The following NRXN3 variants were observed in gnomAD, a reference collection of about 807,000 sequenced individuals.
The protein encoded by NRXN3 is neurexin 3, also known as neurexin III.
In NRXN3, 32 loss-of-function variants were observed where a neutral mutation model predicts 137.6. The observed-to-expected ratio is 0.23, with a 90% CI of 0.18 to 0.31. NRXN3 has a LOEUF of 0.31. Ranked by LOEUF, NRXN3 falls within the 10% of genes least tolerant of loss-of-function variation. NRXN3 has a pLI of 1.00. For missense variants in NRXN3, 1,574 were observed against 2,062.5 expected, an observed-to-expected ratio of 0.76 and a Z score of 4.59; for synonymous variants, 798 against 784.5, an observed-to-expected ratio of 1.02 and a Z score of -0.29.
chr14:79,041,358 T>G (rs1371239840), intron 15 of NRXN3, among the ~76,000 whole-genome samples: 3 of 152,152 alleles, frequency 2.0e-5, no homozygotes, highest in Non-Finnish European at 4.4e-5. Flanking sequence ...CCGTTAAATT[T>G]GGGAAAGGAT....
intron 17 of NRXN3, among the ~76,000 whole-genome samples, chr14:79,670,488 A>G (rs934285443): frequency 6.6e-6 from 1 of 152,088 alleles, no homozygotes; most frequent in East Asian, 1.9e-4. Flanking sequence ...ATGATCATAT[A>G]TATGCATTTT....
intron 16 of NRXN3, among the ~76,000 whole-genome samples, chr14:79,522,800 A>G (rs1288217912): frequency 2.0e-4 from 30 of 152,178 alleles, no homozygotes; most frequent in Non-Finnish European, 4.4e-5. Context: ...ATAGTTAACT[A>G]GTTTCGGAGC....
At chr14:79,105,533 T>G (rs945060977) in intron 15 of NRXN3, among the ~76,000 whole-genome samples, 2 of 152,166 alleles carry the variant, frequency 1.3e-5, no homozygotes, top group African/African-American at 4.8e-5. Flanking sequence ...TTTTACCCAA[T>G]GGGTAAAGTT....
At chr14:78,208,768 G>A (rs902129846) in intron 1 of NRXN3, among the ~76,000 whole-genome samples, 4 of 152,206 alleles carry the variant, frequency 2.6e-5, no homozygotes, top group Admixed American at 2.0e-4. Context: ...TTATATGGCC[G>A]TGTGTGTACT....
At chr14:79,104,792 TG>T (rs1267946417) in intron 15 of NRXN3, among the ~76,000 whole-genome samples, 3 of 151,548 alleles carry the variant, frequency 2.0e-5, no homozygotes, top group African/African-American at 7.3e-5. Flanking sequence ...CTAATTTTTC[TG>T]GGGTTTGTAA....
At chr14:79,513,010 A>T (rs1311845410) in intron 16 of NRXN3, among the ~76,000 whole-genome samples, 1 of 152,240 alleles carries the variant, frequency 6.6e-6, no homozygotes, top group Non-Finnish European at 1.5e-5. Context: ...TTGCAGATAG[A>T]TTATTAACAT....
At chr14:78,947,765 C>T (rs1158726213) in intron 10 of NRXN3, among the ~76,000 whole-genome samples, 3 of 152,188 alleles carry the variant, frequency 2.0e-5, no homozygotes, top group Non-Finnish European at 4.4e-5. Flanking sequence ...CAGCAGACTA[C>T]TGCCTTCTGT....
intron 6 of NRXN3, among the ~76,000 whole-genome samples, chr14:78,670,618 G>A (rs554756514): frequency 7.2e-5 from 11 of 152,286 alleles, no homozygotes; most frequent in South Asian, 2.1e-4. Flanking sequence ...AGTATTTTAC[G>A]TGTGCTAACA....
chr14:78,896,849 G>A (rs1349226933), intron 10 of NRXN3, among the ~76,000 whole-genome samples: 5 of 151,860 alleles, frequency 3.3e-5, no homozygotes, highest in African/African-American at 4.8e-5. Context: ...TGGAGATGAC[G>A]GGAAATGGTA....
chr14:78,218,874 A>G (rs2063552370), intron 1 of NRXN3, among the ~76,000 whole-genome samples: 2 of 152,150 alleles, frequency 1.3e-5, no homozygotes, highest in Non-Finnish European at 2.9e-5. Context: ...AAACAGCTGA[A>G]GTTTATTTTC....
chr14:79,608,467 T>C (rs1440834155), intron 16 of NRXN3, among the ~76,000 whole-genome samples: 4 of 152,316 alleles, frequency 2.6e-5, no homozygotes, highest in Admixed American at 1.3e-4. Flanking sequence ...TGAAGTGTCA[T>C]CTTCTTTCTT....
At chr14:78,579,546 A>AC (rs1462885850) in intron 4 of NRXN3, among the ~76,000 whole-genome samples, 2 of 152,076 alleles carry the variant, frequency 1.3e-5, no homozygotes, top group Non-Finnish European at 2.9e-5. Flanking sequence ...AAAAAAAAAA[A>AC]AAAATAGAGC....
chr14:78,715,966 A>G (rs1370936571), intron 8 of NRXN3, among the ~76,000 whole-genome samples: 1 of 152,150 alleles, frequency 6.6e-6, no homozygotes, highest in African/African-American at 2.4e-5. Flanking sequence ...CAACCCTGAC[A>G]GTTGAGGACC....
chr14:79,819,718 C>T (rs1568357306), intron 20 of NRXN3, among the ~76,000 whole-genome samples: 2 of 151,828 alleles, frequency 1.3e-5, no homozygotes, highest in East Asian at 1.9e-4. Flanking sequence ...CTCCTGACCT[C>T]GTGATTTGCC....
chr14:78,190,922 C>G (rs1355509570), intron 1 of NRXN3, among the ~76,000 whole-genome samples: 2 of 152,100 alleles, frequency 1.3e-5, no homozygotes, highest in African/African-American at 4.8e-5. Flanking sequence ...GATCCACCTA[C>G]CTTAGCCTCC....
At chr14:79,352,510 A>G (rs192368964) in intron 15 of NRXN3, among the ~76,000 whole-genome samples, 6 of 152,258 alleles carry the variant, frequency 3.9e-5, no homozygotes, top group African/African-American at 1.2e-4. Flanking sequence ...GAAGCATTAT[A>G]TAGTATGTGG....
At chr14:79,573,656 A>G (rs2097635636) in intron 16 of NRXN3, among the ~76,000 whole-genome samples, 1 of 152,104 alleles carries the variant, frequency 6.6e-6, no homozygotes, top group Admixed American at 6.6e-5. Context: ...CTTTCTTAAG[A>G]GGAACATAAG....
At chr14:79,336,902 C>T (rs1268773620) in intron 15 of NRXN3, among the ~76,000 whole-genome samples, 1 of 152,158 alleles carries the variant, frequency 6.6e-6, no homozygotes, top group African/African-American at 2.4e-5. Context: ...TGATAAAATA[C>T]ACCCTGAGTA....
chr14:78,717,189 C>T (rs896965197), intron 8 of NRXN3, among the ~76,000 whole-genome samples: 1 of 152,178 alleles, frequency 6.6e-6, no homozygotes, highest in African/African-American at 2.4e-5. Flanking sequence ...AGGCAGGACA[C>T]AGTGACTGTA....
Sources: allele counts gnomAD v4.1 joint callset (sites outside exome capture counted in the v4.1 genomes callset), GRCh38; gene constraint gnomAD v4.1.1; transcripts MANE v1.5; gene names NCBI Gene and HGNC (gene_info 2026-07-23, HGNC 2026-07-21).